Variants in ISM1 observed in about 807,000 individuals in gnomAD.
ISM1 encodes isthmin-1.
In ISM1, 25 loss-of-function variants were observed where a neutral mutation model predicts 46.3. The ratio of observed to expected loss-of-function variants is 0.54; its 90% CI spans 0.39 to 0.75. ISM1 has a LOEUF of 0.75. Among genes scored for constraint, ISM1 ranks in the 30% least tolerant of loss-of-function variants. The probability of loss-of-function intolerance (pLI) is 0.00; values close to 1 mark genes in which losing one functional copy is unlikely to be tolerated. For synonymous variants in ISM1, 255 were observed against 256.7 expected, an observed-to-expected ratio of 0.99 and a Z score of 0.06; for missense variants, 536 against 625.4, an observed-to-expected ratio of 0.86 and a Z score of 1.52.
At chr20:13,252,364 A>C (rs6109781) in intron 1 of ISM1, among the ~76,000 whole-genome samples, 31,299 of 152,126 alleles carry the variant, frequency 0.21, 3,511 homozygotes, top group African/African-American at 0.3. Flanking sequence ...AGGAAAAGTA[A>C]AAGTTAGGTG....
At chr20:13,264,987 C>T (rs1018923383) in intron 1 of ISM1, among the ~76,000 whole-genome samples, 6 of 152,182 alleles carry the variant, frequency 3.9e-5, no homozygotes, top group African/African-American at 1.4e-4. Flanking sequence ...GGACAAGTCA[C>T]AGCGCAGTGT....
chr20:13,284,152 C>T (rs1216883932), intron 3 of ISM1, among the ~76,000 whole-genome samples: 2 of 152,212 alleles, frequency 1.3e-5, no homozygotes, highest in African/African-American at 4.8e-5. Context: ...GACAGGGCAG[C>T]TGGTTAAAGC....
intron 1 of ISM1, among the ~76,000 whole-genome samples, chr20:13,255,822 G>T (rs1161820133): frequency 1.3e-5 from 2 of 152,100 alleles, no homozygotes; most frequent in Non-Finnish European, 2.9e-5. Context: ...ACTACAAGGG[G>T]TCCGCTGTGC....
At chr20:13,287,246 AG>A (rs1393802662) in intron 3 of ISM1, among the ~76,000 whole-genome samples, 203 of 152,328 alleles carry the variant, frequency 1.3e-3, no homozygotes, top group African/African-American at 4.7e-3. Flanking sequence ...TGGAAGGCAA[AG>A]GAAGAGCAAA....
chr20:13,318,673 G>T, the ISM1 span, among the ~76,000 whole-genome samples: 1 of 152,310 alleles, frequency 6.6e-6, no homozygotes, highest in Non-Finnish European at 1.5e-5. Flanking sequence ...GCTAATAAGT[G>T]CTGGCTATCC....
chr20:13,321,253 TAAAAAAA>T, the ISM1 span, among the ~76,000 whole-genome samples: 162 of 57,520 alleles, frequency 2.8e-3, 5 homozygotes, highest in Admixed American at 4.5e-3. Context: ...GTGCCCCACA[TAAAAAAA>T]AAAAAAAAAA....
intron 2 of ISM1, among the ~76,000 whole-genome samples, chr20:13,277,573 C>T (rs1292009343): frequency 1.3e-5 from 2 of 152,158 alleles, no homozygotes; most frequent in Non-Finnish European, 2.9e-5. Flanking sequence ...TCTCCCACGA[C>T]CATTCATTCC....
chr20:13,231,905 T>C (rs2039592635), intron 1 of ISM1, among the ~76,000 whole-genome samples: 1 of 152,208 alleles, frequency 6.6e-6, no homozygotes, highest in African/African-American at 2.4e-5. Context: ...GGGCCATTGA[T>C]GTCATCTGGA....
At chr20:13,224,377 T>G (rs2039489532) in intron 1 of ISM1, among the ~76,000 whole-genome samples, 1 of 152,234 alleles carries the variant, frequency 6.6e-6, no homozygotes, top group Admixed American at 6.5e-5. Flanking sequence ...AGACATTTAT[T>G]AGTCCATCGT....
intron 3 of ISM1, among the ~76,000 whole-genome samples, chr20:13,282,215 C>T (rs1029150901): frequency 6.6e-6 from 1 of 152,076 alleles, no homozygotes; most frequent in Non-Finnish European, 1.5e-5. Context: ...GAATATGGGT[C>T]CCAGGCATCG....
At chr20:13,256,121 C>T (rs2039926132) in intron 1 of ISM1, among the ~76,000 whole-genome samples, 1 of 152,092 alleles carries the variant, frequency 6.6e-6, no homozygotes. Context: ...AGAGGACAGG[C>T]GTGGTGGCTC....
intron 2 of ISM1, among the ~76,000 whole-genome samples, chr20:13,276,013 T>G (rs1254204627): frequency 6.6e-6 from 1 of 152,218 alleles, no homozygotes; most frequent in Non-Finnish European, 1.5e-5. Context: ...CCCTTGTTCT[T>G]AGAGCATCAG....
At chr20:13,298,012 A>T (rs1166649119) in intron 5 of ISM1, among the ~76,000 whole-genome samples, 6 of 152,306 alleles carry the variant, frequency 3.9e-5, no homozygotes, top group South Asian at 4.1e-4. Context: ...ATGTGGCAAA[A>T]TCAAAACTGA....
At chr20:13,305,731 G>C in the ISM1 span, among the ~76,000 whole-genome samples, 1 of 152,122 alleles carries the variant, frequency 6.6e-6, no homozygotes, top group Non-Finnish European at 1.5e-5. Flanking sequence ...GAAGGAGAGG[G>C]ACATATTCCA....
intron 4 of ISM1, among the ~76,000 whole-genome samples, chr20:13,288,897 G>A (rs2040323039): frequency 6.6e-6 from 1 of 151,974 alleles, no homozygotes; most frequent in African/African-American, 2.4e-5. Flanking sequence ...CAATTCTCCT[G>A]CCTCAGCCTC....
chr20:13,306,564 CA>C, the ISM1 span, among the ~76,000 whole-genome samples: 687 of 63,874 alleles, frequency 0.011, 4 homozygotes, highest in Middle Eastern at 0.019. Flanking sequence ...GGAGAAAGGA[CA>C]AAAAAAAAAA....
At chr20:13,237,993 T>G (rs2039671796) in intron 1 of ISM1, 1 of 152,162 alleles carries the variant, frequency 6.6e-6, no homozygotes. Flanking sequence ...ACCAGCAAAT[T>G]TACTGCTTGA....
the ISM1 span, among the ~76,000 whole-genome samples, chr20:13,308,685 T>C: frequency 6.6e-6 from 1 of 152,184 alleles, no homozygotes; most frequent in African/African-American, 2.4e-5. Flanking sequence ...GTCTATACTG[T>C]CTGAAAAAGA....
intron 1 of ISM1, among the ~76,000 whole-genome samples, chr20:13,268,503 G>A (rs1313317098): frequency 6.6e-6 from 1 of 152,024 alleles, no homozygotes; most frequent in East Asian, 1.9e-4. Context: ...GCCAGGAGAC[G>A]AAAACCATGG....
Sources: allele counts gnomAD v4.1 joint callset (sites outside exome capture counted in the v4.1 genomes callset), GRCh38; gene constraint gnomAD v4.1.1; transcripts MANE v1.5; gene names NCBI Gene and HGNC (gene_info 2026-07-23, HGNC 2026-07-21).